Variants in CDH20 observed in about 807,000 individuals in gnomAD.
CDH20 encodes the protein cadherin 20, also known as cadherin-20.
CDH20 carries 29 observed loss-of-function variants against 74.2 expected under a neutral mutation model. That is an observed-to-expected ratio of 0.39 (90% confidence interval 0.29 to 0.53). The LOEUF (loss-of-function observed/expected upper bound fraction) is 0.53. Among genes scored for constraint, CDH20 ranks in the 20% least tolerant of loss-of-function variants. The pLI is 0.69. For missense variants in CDH20, 988 were observed against 1,048.3 expected, an observed-to-expected ratio of 0.94 and a Z score of 0.79; for synonymous variants, 469 against 405.4, an observed-to-expected ratio of 1.16 and a Z score of -1.88.
At chr18:61,461,791 T>G (rs1215124272) in intron 1 of CDH20, among the ~76,000 whole-genome samples, 1 of 151,882 alleles carries the variant, frequency 6.6e-6, no homozygotes, top group Non-Finnish European at 1.5e-5. Flanking sequence ...CCTCTAGAGG[T>G]TTCCCATTGG....
intron 1 of CDH20, among the ~76,000 whole-genome samples, chr18:61,432,624 C>T (rs1300892090): frequency 6.6e-6 from 1 of 152,160 alleles, no homozygotes; most frequent in African/African-American, 2.4e-5. Context: ...AGGGCATTTT[C>T]CTCTGCTCCT....
In CDH20 at chr18:61,387,632, T is replaced by C. The variant is rs945088606; in HGVS notation, c.-153+53805T>C. On this transcript the variant is annotated intron_variant, in intron 1 of 11. Coordinates refer to ENST00000262717, the MANE Select transcript of CDH20 (RefSeq NM_031891.4). ...CTTTCCAAACAGGCTTGTCCATACT[T>C]TGAGCAAACCCCTTCTTTATTCTAA... 3.3e-5 allele frequency among the ~76,000 whole-genome samples: 5 copies of C among 152,188 alleles called. No homozygotes were observed. In the East Asian group the frequency reaches 7.7e-4, roughly 23 times the overall value.
In CDH20 at chr18:61,550,076, G is replaced by C; in HGVS notation, c.1747G>C (p.Val583Leu). The C allele has an allele frequency of 6.2e-7, 1 of 1,614,210 alleles. No homozygotes were observed. Among genetic ancestry groups the C allele is most frequent in the Non-Finnish European group, 8.5e-7 (1 of 1,180,032 alleles). The change falls in exon 11 of 12, where the codon GTG (valine) becomes CTG (leucine). Residue 583 changes from valine (V) to leucine (L), a missense_variant. Physicochemically the swap from Val to Leu is conservative, Grantham distance 32. Transcript: ENST00000262717. ...PILIADSGQPVLSSTGTLTIQ... is the reference protein window; with the variant it reads ...PILIADSGQPLLSSTGTLTIQ... ...CCTGATAGCAGATAGCGGGCAGCCC[G>C]TGCTGAGCAGCACAGGCACACTGAC...
chr18:61,386,605 T>C (rs1433345454), intron 1 of CDH20, among the ~76,000 whole-genome samples: 4 of 152,220 alleles, frequency 2.6e-5, no homozygotes, highest in Admixed American at 2.0e-4. Context: ...ATTTGGATGA[T>C]AATTTACATA....
intron 1 of CDH20, among the ~76,000 whole-genome samples, chr18:61,449,318 A>G (rs1363034146): frequency 6.6e-6 from 1 of 152,090 alleles, no homozygotes; most frequent in East Asian, 1.9e-4. Flanking sequence ...AGGAATAAAA[A>G]CCTTTTGCTA....
At chr18:61,544,489 A>T (rs1913156935) in intron 9 of CDH20, among the ~76,000 whole-genome samples, 1 of 152,214 alleles carries the variant, frequency 6.6e-6, no homozygotes, top group Non-Finnish European at 1.5e-5. Context: ...TTGAGTGGTG[A>T]AGGTGGTTCT....
intron 1 of CDH20, among the ~76,000 whole-genome samples, chr18:61,339,358 A>G (rs1468795362): frequency 7.0e-6 from 1 of 143,176 alleles, no homozygotes. Flanking sequence ...GTGCAAGTTT[A>G]TTACACACAC....
chr18:61,397,018 GGGCACCA>G (rs1252361842), intron 1 of CDH20, among the ~76,000 whole-genome samples: 1 of 152,086 alleles, frequency 6.6e-6, no homozygotes, highest in Admixed American at 6.6e-5. Flanking sequence ...TGCTGTACTG[GGGCACCA>G]GAGTCTCTGT....
intron 2 of CDH20, among the ~76,000 whole-genome samples, chr18:61,498,141 T>C (rs1477810545): frequency 6.6e-6 from 1 of 152,202 alleles, no homozygotes; most frequent in Admixed American, 6.5e-5. Flanking sequence ...GACTCACACC[T>C]ATAATCCCAG....
intron 6 of CDH20, among the ~76,000 whole-genome samples, chr18:61,526,774 T>C (rs1035460891): frequency 5.3e-5 from 8 of 152,252 alleles, no homozygotes; most frequent in Non-Finnish European, 8.8e-5. Context: ...TGGAATTTTA[T>C]AGACAAAATT....
intron 2 of CDH20, 150 bp from the exon 3 acceptor site, chr18:61,499,036 C>T (rs199854985): frequency 3.4e-6 from 2 of 591,182 alleles, no homozygotes; most frequent in East Asian, 5.6e-5. Context: ...GTGTCCAATG[C>T]ATACTAGTTC....
chr18:61,522,877 A>C (rs936440044), intron 6 of CDH20, among the ~76,000 whole-genome samples: 29 of 152,224 alleles, frequency 1.9e-4, no homozygotes, highest in African/African-American at 7.0e-4. Context: ...GAAAACTGAA[A>C]CTGGACCCCT....
Position 61,528,169 on chromosome 18 carries a change from C to T in CDH20, c.1220C>T (p.Thr407Ile), listed in dbSNP as rs1314378415. The T allele has an allele frequency of 6.2e-7, 1 of 1,614,032 alleles. No individual in the cohort carries two copies. ...CCTGAGGATGTGGCGATTGGAACAA[C>T]CATACAGATCATTTCTGCCAAGGAC... ...EVPEDVAIGTTIQIISAKDPD... is the reference protein window; with the variant it reads ...EVPEDVAIGTIIQIISAKDPD... Residue 407 changes from threonine to isoleucine, a missense_variant, in exon 7 of 12, where the codon ACC becomes ATC. By Grantham distance (89) the Thr-to-Ile change is moderately conservative. Transcript: ENST00000262717.
At chr18:61,540,867 T>G (rs541900778) in intron 9 of CDH20, among the ~76,000 whole-genome samples, 26 of 152,190 alleles carry the variant, frequency 1.7e-4, no homozygotes, top group Non-Finnish European at 2.9e-4. Context: ...AAAAAGTGAT[T>G]TATGTCCCTC....
At chr18:61,512,736 A>T (rs896004024) in intron 6 of CDH20, among the ~76,000 whole-genome samples, 1 of 151,812 alleles carries the variant, frequency 6.6e-6, no homozygotes, top group African/African-American at 2.4e-5. Flanking sequence ...GAACATCTTT[A>T]TTTCTGCCTT....
At chr18:61,528,354 GTGT>G in intron 7 of CDH20, 134 bp downstream of exon 7, 4 of 873,446 alleles carry the variant, frequency 4.6e-6, no homozygotes, top group Admixed American at 2.6e-5. Flanking sequence ...TGAGTTTTTT[GTGT>G]TGTTTTTTTT....
At chr18:61,458,494 G>A (rs1249250187) in intron 1 of CDH20, among the ~76,000 whole-genome samples, 1 of 152,100 alleles carries the variant, frequency 6.6e-6, no homozygotes, top group Non-Finnish European at 1.5e-5. Flanking sequence ...GAGCCAAGCA[G>A]CTGGGTCTGA....
chr18:61,337,740 T>C (rs1490849159), intron 1 of CDH20, among the ~76,000 whole-genome samples: 1 of 152,266 alleles, frequency 6.6e-6, no homozygotes, highest in East Asian at 1.9e-4. Context: ...CTACTGCAAA[T>C]GAAGACATAA....
In CDH20 at chr18:61,528,157, C is replaced by T. The variant is rs536378751; in HGVS notation, c.1208C>T (p.Ala403Val). 6.8e-6 allele frequency: 11 copies of T among 1,613,920 alleles called. No homozygotes were observed. The highest frequency in any genetic ancestry group is 4.4e-5 in the South Asian group (4 of 91,074). ...FYFVEVPEDV[A>V]IGTTIQIISA... ...TTTGTGGAGGTGCCTGAGGATGTGG[C>T]GATTGGAACAACCATACAGATCATT... The change falls in exon 7 of 12, where the codon GCG (alanine) becomes GTG (valine). Residue 403 changes from alanine to valine, a missense_variant. Ala to Val is a moderately conservative substitution (Grantham distance 64, BLOSUM62 0). Transcript: ENST00000262717.
Sources: allele counts gnomAD v4.1 joint callset (sites outside exome capture counted in the v4.1 genomes callset), GRCh38; gene constraint gnomAD v4.1.1; transcripts MANE v1.5; gene names NCBI Gene and HGNC (gene_info 2026-07-23, HGNC 2026-07-21).